USP15: variants seen among roughly 807,000 people sequenced by gnomAD.
The protein encoded by USP15 is ubiquitin specific peptidase 15.
Under a neutral mutation model 127.1 loss-of-function variants are expected in USP15, and 18 were observed. The ratio of observed to expected loss-of-function variants is 0.14; its 90% CI spans 0.10 to 0.21. The LOEUF (loss-of-function observed/expected upper bound fraction) is 0.21. Ranked by LOEUF, USP15 falls within the 10% of genes least tolerant of loss-of-function variation. USP15 has a pLI of 1.00. For synonymous variants in USP15, 364 were observed against 393.7 expected (o/e 0.92, Z 0.89); for missense variants, 805 against 1,159.9 (o/e 0.69, Z 4.44).
Position 62,383,823 on chromosome 12 carries a change from T to C in USP15, c.1090-17T>C. ...CCTGTTCCTAGAACTGATTTGATGG[T>C]TTTGCATTTCTTACAGACACAGGTA... On this transcript the variant is annotated splice_polypyrimidine_tract_variant and intron_variant, in intron 9 of 21. Transcript: ENST00000280377. The C allele has an allele frequency of 1.2e-6, 2 of 1,608,104 alleles. No individual in the cohort carries two copies. Among genetic ancestry groups the C allele is most frequent in the South Asian group, 1.1e-5 (1 of 90,466 alleles).
At chr12:62,281,397 C>T (rs1344296930) in intron 1 of USP15, among the ~76,000 whole-genome samples, 3 of 152,240 alleles carry the variant, frequency 2.0e-5, no homozygotes, top group African/African-American at 7.2e-5. Context: ...AGTGCAGTGG[C>T]ATGCTCTCAG....
At chr12:62,402,496 G>C (rs2067724312) in intron 21 of USP15, among the ~76,000 whole-genome samples, 1 of 152,060 alleles carries the variant, frequency 6.6e-6, no homozygotes, top group Non-Finnish European at 1.5e-5. Flanking sequence ...ATGTGGTAAA[G>C]ATGATGTCTG....
At chr12:62,390,344 A>T (rs1385204999) in intron 14 of USP15, among the ~76,000 whole-genome samples, 1 of 152,156 alleles carries the variant, frequency 6.6e-6, no homozygotes, top group Non-Finnish European at 1.5e-5. Flanking sequence ...ACAAATGTCA[A>T]ATGCTTCATT....
intron 1 of USP15, among the ~76,000 whole-genome samples, chr12:62,280,323 C>T (rs2063611609): frequency 6.6e-6 from 1 of 152,108 alleles, no homozygotes; most frequent in African/African-American, 2.4e-5. Context: ...GACATTTAGG[C>T]AGATATGTGA....
In USP15 at chr12:62,303,144, G is replaced by A. The variant is rs1052394904; in HGVS notation, c.348+224G>A. 12 of 338,834 alleles carry A rather than the reference G, an allele frequency of 3.5e-5. No homozygotes were observed. In the East Asian group the frequency reaches 6.0e-4, roughly 17 times the overall value. The allele number at this position is 338,834 out of a possible 1,614,324, so 21.0% of individuals were successfully genotyped here. The stretch of plus-strand genomic sequence containing the variant: ...TATTGATTAATCCTCTATATATAGA[G>A]AGAAAACTCTGTAAGGTAAGTAGTA... On this transcript the variant is annotated intron_variant, in intron 3 of 21. Coordinates refer to ENST00000280377, the MANE Select transcript of USP15 (RefSeq NM_001252078.2).
rs1490054848 is a variant in USP15 at position 62,389,995 on chromosome 12, G to T, written c.1844+7G>T. ...TCCTGCTCTTGAGAATGTGGTAAGT[G>T]CCAGACAATTCTACATTGACAAAAT... is the stretch of plus-strand genomic sequence containing the variant. On this transcript the variant is annotated splice_region_variant and intron_variant, in intron 14 of 21. Transcript: ENST00000280377. 3.2e-6 allele frequency: 5 copies of T among 1,575,934 alleles called. No homozygotes were observed. The African/African-American group carries it at 4.1e-5, about 13-fold the overall frequency.
At chr12:62,309,284 T>G (rs1268020141) in intron 3 of USP15, among the ~76,000 whole-genome samples, 2 of 152,108 alleles carry the variant, frequency 1.3e-5, no homozygotes, top group African/African-American at 4.8e-5. Context: ...TTGAAAAGAT[T>G]ATGTTTTGAA....
At chr12:62,368,517 G>A (rs1190049242) in intron 8 of USP15, among the ~76,000 whole-genome samples, 2 of 152,144 alleles carry the variant, frequency 1.3e-5, no homozygotes, top group Non-Finnish European at 2.9e-5. Context: ...TATATATTTA[G>A]GATAGTTAGT....
chr12:62,276,047 T>A (rs995351291), intron 1 of USP15, among the ~76,000 whole-genome samples: 3 of 152,116 alleles, frequency 2.0e-5, no homozygotes, highest in Admixed American at 2.0e-4. Context: ...CCAGATAATA[T>A]TAACATTATG....
At position 62,384,016 on chromosome 12, in the gene USP15, A is replaced by T. The variant is rs80149437; in HGVS notation, c.1248+18A>T. On this transcript the variant is annotated intron_variant, in intron 10 of 21. Coordinates refer to ENST00000280377, the MANE Select transcript of USP15 (RefSeq NM_001252078.2). ...CAGATAAGGTAAATTTCATGATCCT[A>T]TTGTCACCATTGTTATAATTTTGTG... 20 of 1,610,636 alleles carry T rather than the reference A, an allele frequency of 1.2e-5. No individual in the cohort carries two copies. Among genetic ancestry groups the T allele is most frequent in the African/African-American group, 4.0e-5 (3 of 74,684 alleles).
intron 20 of USP15, among the ~76,000 whole-genome samples, chr12:62,399,926 C>T (rs923734619): frequency 3.3e-5 from 5 of 152,138 alleles, no homozygotes; most frequent in African/African-American, 9.7e-5. Flanking sequence ...GCCATTCCCT[C>T]TGAACATCAT....
At chr12:62,264,545 G>T (rs2063150384) in intron 1 of USP15, among the ~76,000 whole-genome samples, 1 of 152,170 alleles carries the variant, frequency 6.6e-6, no homozygotes, top group Admixed American at 6.5e-5. Context: ...ATTTGTGTGT[G>T]AAGTCATTTA....
At chr12:62,362,930 A>G (rs1282501363) in intron 8 of USP15, among the ~76,000 whole-genome samples, 1 of 152,194 alleles carries the variant, frequency 6.6e-6, no homozygotes, top group Non-Finnish European at 1.5e-5. Flanking sequence ...TGAGTTTGGC[A>G]GGTGAAGTTA....
rs1476343177 is a variant in USP15, at chr12:62,302,854, T to C, written c.282T>C (p.Thr94=). The C allele has an allele frequency of 1.9e-6, 3 of 1,613,004 alleles. No homozygotes were observed. Among genetic ancestry groups the C allele is most frequent in the Non-Finnish European group, 2.5e-6 (3 of 1,179,250 alleles). The change falls in exon 3 of 22, where the codon ACT becomes ACC. Residue 94 remains threonine, a synonymous_variant. Coordinates refer to ENST00000280377, the MANE Select transcript of USP15 (RefSeq NM_001252078.2). ...IDELDYILLP[T]EGWNKLVSWY... ...AATTGGATTACATACTGTTGCCAAC[T>C]GAAGGTTGGAATAAACTTGTCAGCT...
intron 1 of USP15, among the ~76,000 whole-genome samples, chr12:62,263,974 TTATAAAATACTC>T (rs1317988958): frequency 3.3e-5 from 5 of 152,274 alleles, no homozygotes; most frequent in Admixed American, 3.3e-4. Context: ...AAATTATGGG[TTATAAAATACTC>T]TCTTTGGAAA....
chr12:62,325,559 T>C (rs539539693), intron 5 of USP15, among the ~76,000 whole-genome samples: 5 of 152,234 alleles, frequency 3.3e-5, no homozygotes, highest in Admixed American at 1.3e-4. Flanking sequence ...ATATATTCTC[T>C]AAATTCAAGG....
At chr12:62,372,851 T>G (rs1381347343) in intron 8 of USP15, among the ~76,000 whole-genome samples, 1 of 152,090 alleles carries the variant, frequency 6.6e-6, no homozygotes, top group Non-Finnish European at 1.5e-5. Context: ...GCTTCCATTC[T>G]TTAAAATAAA....
chr12:62,302,638 A>C (rs1385220239), intron 2 of USP15, 152 bp from the exon 3 acceptor site: 3 of 629,514 alleles, frequency 4.8e-6, no homozygotes, highest in Non-Finnish European at 7.3e-6. Context: ...AGAGAAACCC[A>C]AAAATTGGAC....
chr12:62,413,059 TAGC>T lies in USP15; in HGVS notation c.*8687_*8689del, dbSNP rs993301071. The T allele has an allele frequency of 6.6e-6, 1 of 152,208 alleles. No homozygotes were observed. The highest frequency in any genetic ancestry group is 2.4e-5 in the African/African-American group (1 of 41,458). The allele number at this position is 152,208 out of a possible 1,614,324, so 9.4% of individuals were successfully genotyped here. On this transcript the variant is annotated 3_prime_UTR_variant, in exon 22 of 22. Transcript: ENST00000280377. The stretch of plus-strand genomic sequence containing the variant: ...TATGGCTGCAGAATGGATGTTGTGT[TAGC>T]AGGCAGAAAAACACTAATCTCATAC...
Sources: gnomAD v4.1 joint callset for allele counts (sites outside exome capture counted in the v4.1 genomes callset) on GRCh38, gnomAD v4.1.1 for gene constraint, MANE v1.5 for transcripts, NCBI Gene and HGNC (gene_info 2026-07-23, HGNC 2026-07-21) for gene names.